The following LHX9 variants were observed in gnomAD, a reference collection of about 807,000 sequenced individuals.
The protein encoded by LHX9 is LIM homeobox 9.
A neutral mutation model predicts 36.5 loss-of-function variants in LHX9; 9 were observed. The observed-to-expected ratio is 0.25, with a 90% confidence interval of 0.15 to 0.43. The LOEUF (loss-of-function observed/expected upper bound fraction) is 0.43, where lower values mean the gene tolerates loss of function less well. Among genes scored for constraint, LHX9 ranks in the 20% least tolerant of loss-of-function variants. The probability of loss-of-function intolerance (pLI) is 1.00; values close to 1 mark genes in which losing one functional copy is unlikely to be tolerated. For missense variants in LHX9, 464 were observed against 526.4 expected (o/e 0.88, Z 1.16); for synonymous variants, 211 against 212.1 (o/e 0.99, Z 0.04).
Position 197,917,645 on chromosome 1 carries a change from G to T in LHX9, c.-179G>T, listed in dbSNP as rs1215106727. On this transcript the variant is annotated 5_prime_UTR_variant, in exon 1 of 5. Transcript: ENST00000367387. Reference sequence around the variant, plus strand: ...TGAGGCTTCCCCCCAACTCTTCCCAGTTCTTTTTGCTTCCCCTCGGCCCCC... The same window carrying T: ...TGAGGCTTCCCCCCAACTCTTCCCATTTCTTTTTGCTTCCCCTCGGCCCCC... The T allele has an allele frequency of 6.6e-7, 1 of 1,513,124 alleles. No individual in the cohort carries two copies. Among genetic ancestry groups the T allele is most frequent in the Non-Finnish European group, 8.8e-7 (1 of 1,133,942 alleles). The allele number at this position is 1,513,124 out of a possible 1,614,324, so 93.7% of individuals were successfully genotyped here.
chr1:197,912,920 A>G, upstream of LHX9: 1 of 306,676 alleles, frequency 3.3e-6, no homozygotes, highest in Non-Finnish European at 6.1e-6. Flanking sequence ...TCTTTCTTGG[A>G]AGGGATGGAA....
rs1188150848 is a variant in LHX9, at chr1:197,932,004, C to T, written c.*2745C>T. 3 of 1,486,586 alleles carry T rather than the reference C, an allele frequency of 2.0e-6. No homozygotes were observed. The highest frequency in any genetic ancestry group is 1.4e-5 in the African/African-American group (1 of 71,612). 92.1% of individuals were successfully genotyped at this position (1,486,586 alleles called of 1,614,324 possible). On this transcript the variant is annotated 3_prime_UTR_variant, in exon 5 of 5. Transcript: ENST00000367387. ...ATTAAAAGAAGGGGAAAAGTTTGAT[C>T]GGAAATCCACTGCAGTGAAGACAAA...
At chr1:197,924,243 T>TCATTAAATGTAAA (rs1451756381) in intron 3 of LHX9, among the ~76,000 whole-genome samples, 10 of 152,260 alleles carry the variant, frequency 6.6e-5, no homozygotes, top group Non-Finnish European at 1.3e-4. Flanking sequence ...TTGCTATCTT[T>TCATTAAATGTAAA]CATTAAATGT....
At chr1:197,915,342 G>A (rs976309187), upstream of LHX9, among the ~76,000 whole-genome samples, 2 of 152,168 alleles carry the variant, frequency 1.3e-5, no homozygotes, top group South Asian at 4.1e-4. Flanking sequence ...AGCCAGTTTA[G>A]CCTCTGACTT....
At chr1:197,925,455 G>T (rs1459745261) in intron 3 of LHX9, among the ~76,000 whole-genome samples, 2 of 152,158 alleles carry the variant, frequency 1.3e-5, no homozygotes, top group Non-Finnish European at 2.9e-5. Flanking sequence ...TTCAGGAAAG[G>T]TTACATGTTA....
chr1:197,912,579 C>A (rs1347801694), upstream of LHX9: 2 of 1,613,522 alleles, frequency 1.2e-6, no homozygotes, highest in South Asian at 1.1e-5. Flanking sequence ...GTGCCAGGTT[C>A]CTTCTGATGT....
chr1:197,916,779 AGCTGCTTTTAAAAGTGGATT>A, upstream of LHX9: 1 of 702,996 alleles, frequency 1.4e-6, no homozygotes, highest in East Asian at 2.7e-5. Flanking sequence ...ATTGTCAGAC[AGCTGCTTTTAAAAGTGGATT>A]GAGGAAGATG....
chr1:197,925,480 G>A (rs770019814), intron 3 of LHX9, among the ~76,000 whole-genome samples: 1 of 152,070 alleles, frequency 6.6e-6, no homozygotes, highest in Non-Finnish European at 1.5e-5. Context: ...TGATAGGAAA[G>A]AAATCTGAGT....
rs1159003519 is a variant in LHX9 at position 197,931,244 on chromosome 1, CAT to C, written c.*1986_*1987del. ...GGTGTATCCTGTTAGAGGGGACAAA[CAT>C]GTCATAGAAAGCAGTTGTGCACTCT... On this transcript the variant is annotated 3_prime_UTR_variant, in exon 5 of 5. Transcript: ENST00000367387. 2 of 151,964 alleles carry C rather than the reference CAT, an allele frequency of 1.3e-5. No homozygotes were observed. Among genetic ancestry groups the C allele is most frequent in the Admixed American group, 6.6e-5 (1 of 15,266 alleles). The allele number at this position is 151,964 out of a possible 1,614,324, so 9.4% of individuals were successfully genotyped here. A position where few individuals can be genotyped will look rare whatever the true frequency, so the allele number is the denominator to read the frequency against.
chr1:197,920,276 C>A, intron 2 of LHX9, 102 bp downstream of exon 2: 4 of 901,938 alleles, frequency 4.4e-6, no homozygotes, highest in Admixed American at 4.3e-5. Flanking sequence ...TGCCCCATTC[C>A]GGGTGCTGTT....
chr1:197,926,890 C>T (rs1660158498), intron 3 of LHX9, among the ~76,000 whole-genome samples: 1 of 152,162 alleles, frequency 6.6e-6, no homozygotes, highest in Non-Finnish European at 1.5e-5. Flanking sequence ...CCTGTGTTAA[C>T]CAGTCATAGC....
intron 3 of LHX9, among the ~76,000 whole-genome samples, chr1:197,927,130 A>G (rs1410496683): frequency 6.6e-6 from 1 of 152,208 alleles, no homozygotes; most frequent in Non-Finnish European, 1.5e-5. Context: ...TCTACGTCTC[A>G]TGACAAAAAG....
At chr1:197,919,705 T>A (rs181700790) in intron 1 of LHX9, among the ~76,000 whole-genome samples, 69 of 152,368 alleles carry the variant, frequency 4.5e-4, no homozygotes, top group Admixed American at 8.5e-4. Flanking sequence ...TAGTCCTTTT[T>A]AAGCGAGGCT....
intron 2 of LHX9, among the ~76,000 whole-genome samples, chr1:197,920,820 A>G (rs1302368305): frequency 6.6e-6 from 1 of 152,202 alleles, no homozygotes; most frequent in South Asian, 2.1e-4. Flanking sequence ...CCCAAGCAAG[A>G]TAAGTTGTTA....
chr1:197,925,287 A>G lies in LHX9; in HGVS notation c.734-2304A>G, dbSNP rs549250899. 7.0e-4 allele frequency among the ~76,000 whole-genome samples: 107 copies of G among 152,322 alleles called. No individual in the cohort carries two copies. The South Asian group carries it at 0.014, about 20-fold the overall frequency. On this transcript the variant is annotated intron_variant, in intron 3 of 4. Transcript: ENST00000367387. ...TTAAATCTTACTACAATTATTTTTC[A>G]TAAATTTCATTTTAAGAACTAATGA...
Position 197,917,949 on chromosome 1 carries a change from G to A in LHX9, c.126G>A (p.Lys42=). Residue 42 remains lysine, a synonymous_variant, in exon 1 of 5, where the codon AAG becomes AAA. Coordinates refer to ENST00000367387, the MANE Select transcript of LHX9 (RefSeq NM_020204.3). Reference sequence around the variant, plus strand: ...TGGAGGAGATGGAGCGCAGATCCAAGACTGAGGCCCGTCTGGCCAAAGGCG... The same window carrying A: ...TGGAGGAGATGGAGCGCAGATCCAAAACTGAGGCCCGTCTGGCCAAAGGCG... The part of the protein sequence containing the change: ...GIMEEMERRS[K]TEARLAKGAQ... The A allele has an allele frequency of 6.2e-7, 1 of 1,614,178 alleles. No homozygotes were observed. Among genetic ancestry groups the A allele is most frequent in the Non-Finnish European group, 8.5e-7 (1 of 1,180,004 alleles).
rs895395023 is a variant in LHX9 at position 197,929,344 on chromosome 1, C to CT, written c.*94dup. 1,807 of 1,177,370 alleles carry CT rather than the reference C, an allele frequency of 1.5e-3. 6 individuals are homozygous for CT. In the East Asian group the frequency reaches 0.017, roughly 11 times the overall value. 72.9% of individuals were successfully genotyped at this position (1,177,370 alleles called of 1,614,324 possible). A position where few individuals can be genotyped will look rare whatever the true frequency, so the allele number is the denominator to read the frequency against. On this transcript the variant is annotated 3_prime_UTR_variant, in exon 5 of 5. Coordinates refer to ENST00000367387, the MANE Select transcript of LHX9 (RefSeq NM_020204.3). ...TATTATTATTTTATTATTTACAAGA[C>CT]TTTTTTTTTCTTCTAACCCACAAGA...
chr1:197,915,547 G>T (rs1187813428), upstream of LHX9, among the ~76,000 whole-genome samples: 1 of 152,234 alleles, frequency 6.6e-6, no homozygotes, highest in African/African-American at 2.4e-5. Flanking sequence ...AAGTAAGGAG[G>T]AGGGGGATGT....
Position 197,918,204 on chromosome 1 carries a change from C to T in LHX9, c.174+207C>T, listed in dbSNP as rs1271305627. On this transcript the variant is annotated intron_variant, in intron 1 of 4. Transcript: ENST00000367387. The stretch of plus-strand genomic sequence containing the variant: ...AATCGAAATGTCTGCAGCTGGCTAT[C>T]CTCCGTCGCAGCTGATTCCGAAAGA... The T allele has an allele frequency of 4.3e-6, 3 of 701,082 alleles. No individual in the cohort carries two copies. The East Asian group carries it at 8.3e-5, about 19-fold the overall frequency. The allele number at this position is 701,082 out of a possible 1,614,324, so 43.4% of individuals were successfully genotyped here.
Sources: gnomAD v4.1 joint callset for allele counts (sites outside exome capture counted in the v4.1 genomes callset) on GRCh38, gnomAD v4.1.1 for gene constraint, MANE v1.5 for transcripts, NCBI Gene and HGNC (gene_info 2026-07-23, HGNC 2026-07-21) for gene names.